Variants in OPCML observed in about 807,000 individuals in gnomAD.
OPCML encodes the protein opioid binding protein/cell adhesion molecule like.
OPCML carries 13 observed loss-of-function variants against 37.8 expected under a neutral mutation model. The ratio of observed to expected loss-of-function variants is 0.34; its 90% CI spans 0.22 to 0.55. The LOEUF (loss-of-function observed/expected upper bound fraction) is 0.55. Ranked by LOEUF, OPCML falls within the 20% of genes least tolerant of loss-of-function variation. The probability of loss-of-function intolerance (pLI) is 0.91; values close to 1 mark genes in which losing one functional copy is unlikely to be tolerated. For synonymous variants in OPCML, 176 were observed against 168.8 expected (o/e 1.04, Z -0.33); for missense variants, 341 against 435.6 (o/e 0.78, Z 1.93).
At chr11:132,575,574 T>C (rs893742497) in intron 3 of OPCML, among the ~76,000 whole-genome samples, 1 of 152,022 alleles carries the variant, frequency 6.6e-6, no homozygotes, top group African/African-American at 2.4e-5. Flanking sequence ...TCCATTTGTT[T>C]TTACTCTGTA....
intron 2 of OPCML, among the ~76,000 whole-genome samples, chr11:132,913,769 C>T (rs903102952): frequency 6.6e-6 from 1 of 152,190 alleles, no homozygotes; most frequent in African/African-American, 2.4e-5. Flanking sequence ...GGGCACATAC[C>T]CTCATTCTTT....
intron 2 of OPCML, among the ~76,000 whole-genome samples, chr11:132,694,033 G>T (rs1943507144): frequency 6.6e-6 from 1 of 151,992 alleles, no homozygotes; most frequent in Non-Finnish European, 1.5e-5. Context: ...CTCTCTGCAG[G>T]ATGACTGAGA....
chr11:132,587,441 C>G (rs182276409), intron 3 of OPCML, among the ~76,000 whole-genome samples: 58 of 152,302 alleles, frequency 3.8e-4, no homozygotes, highest in Non-Finnish European at 4.4e-4. Flanking sequence ...AAGCCATAGT[C>G]AGAGGACACA....
intron 1 of OPCML, among the ~76,000 whole-genome samples, chr11:133,249,116 C>T (rs919628167): frequency 6.6e-6 from 1 of 152,120 alleles, no homozygotes; most frequent in Admixed American, 6.5e-5. Flanking sequence ...TTTTGTGTTG[C>T]TATAAAGGAA....
At chr11:132,686,997 C>T (rs1943187464) in intron 2 of OPCML, among the ~76,000 whole-genome samples, 1 of 145,790 alleles carries the variant, frequency 6.9e-6, no homozygotes, top group African/African-American at 2.6e-5. Context: ...TACTCAGCTG[C>T]CCCCTGAGAT....
chr11:133,313,567 G>C (rs1270016776), intron 1 of OPCML, among the ~76,000 whole-genome samples: 1 of 152,174 alleles, frequency 6.6e-6, no homozygotes, highest in Non-Finnish European at 1.5e-5. Context: ...AGAGCATCCT[G>C]GAACATTTCC....
chr11:133,351,485 T>A (rs1944135102), intron 1 of OPCML, among the ~76,000 whole-genome samples: 1 of 152,124 alleles, frequency 6.6e-6, no homozygotes, highest in African/African-American at 2.4e-5. Flanking sequence ...CCAAACTGCA[T>A]TTACTTGCTT....
intron 1 of OPCML, among the ~76,000 whole-genome samples, chr11:133,142,624 T>C (rs1025061826): frequency 6.6e-6 from 1 of 152,198 alleles, no homozygotes; most frequent in Non-Finnish European, 1.5e-5. Flanking sequence ...TGGCAGTACA[T>C]AGCACACAGT....
chr11:133,273,528 T>C (rs1375594847), intron 1 of OPCML, among the ~76,000 whole-genome samples: 1 of 152,214 alleles, frequency 6.6e-6, no homozygotes, highest in African/African-American at 2.4e-5. Flanking sequence ...TTATGTTCTT[T>C]CTCTCGCAGA....
intron 1 of OPCML, among the ~76,000 whole-genome samples, chr11:132,994,267 G>T (rs1404619821): frequency 6.6e-6 from 1 of 152,182 alleles, no homozygotes; most frequent in Admixed American, 6.5e-5. Context: ...GGGCTTTTAC[G>T]GCCGGAACTC....
At chr11:133,124,511 G>A (rs185472185) in intron 1 of OPCML, among the ~76,000 whole-genome samples, 134 of 152,202 alleles carry the variant, frequency 8.8e-4, no homozygotes, top group African/African-American at 3.1e-3. Flanking sequence ...ACTTCACAAG[G>A]GTCCCTCAAC....
rs141018783 is a variant in OPCML at position 132,900,853 on chromosome 11, C to T, written c.146+42073G>A. ...GTTCTAGGTGGCTCTCCATTCAATC[C>T]ACTAGCGCCCTTGCCATCTCACTTC... On this transcript the variant is annotated intron_variant, in intron 2 of 7. Coordinates refer to ENST00000524381, the MANE Select transcript of OPCML (RefSeq NM_001012393.5). Among the ~76,000 whole-genome samples the T allele has an allele frequency of 1.5e-3, 223 of 152,288 alleles. 1 individual carries two copies. The highest frequency in any genetic ancestry group is 5.1e-3 in the African/African-American group (211 of 41,578).
At chr11:133,007,183 G>T in intron 1 of OPCML, 1 of 985,408 alleles carries the variant, frequency 1.0e-6, no homozygotes. Flanking sequence ...TGGGGACTCT[G>T]TCTCACATAG....
chr11:133,521,838 G>C (rs534629008), intron 1 of OPCML, among the ~76,000 whole-genome samples: 2 of 152,170 alleles, frequency 1.3e-5, no homozygotes, highest in African/African-American at 2.4e-5. Context: ...TAGCTTATTC[G>C]GAGAAGCCAA....
At chr11:133,129,206 G>GA (rs1161376865) in intron 1 of OPCML, among the ~76,000 whole-genome samples, 2 of 151,422 alleles carry the variant, frequency 1.3e-5, no homozygotes, top group African/African-American at 4.9e-5. Context: ...GCTACACAGA[G>GA]AGAGAGCTTC....
intron 1 of OPCML, among the ~76,000 whole-genome samples, chr11:132,961,341 C>A (rs1946089139): frequency 6.6e-6 from 1 of 152,086 alleles, no homozygotes; most frequent in African/African-American, 2.4e-5. Flanking sequence ...GGATAAGCAG[C>A]ACAAAGATAT....
intron 1 of OPCML, chr11:133,298,676 C>T (rs186394562): frequency 6.6e-6 from 1 of 152,270 alleles, no homozygotes; most frequent in African/African-American, 2.4e-5. Flanking sequence ...AATCTCTTGA[C>T]ATGGACAAAT....
At chr11:133,327,556 T>C (rs566561218) in intron 1 of OPCML, among the ~76,000 whole-genome samples, 31 of 152,228 alleles carry the variant, frequency 2.0e-4, no homozygotes, top group African/African-American at 6.5e-4. Flanking sequence ...CTGCCCCTCC[T>C]TAAGGCTATC....
At chr11:133,354,830 T>C (rs1003430913) in intron 1 of OPCML, among the ~76,000 whole-genome samples, 7 of 152,208 alleles carry the variant, frequency 4.6e-5, no homozygotes, top group African/African-American at 1.2e-4. Context: ...GCTTTTCAAA[T>C]GCCTTAGCAA....
Sources: gnomAD v4.1 joint callset for allele counts (sites outside exome capture counted in the v4.1 genomes callset) on GRCh38, gnomAD v4.1.1 for gene constraint, MANE v1.5 for transcripts, NCBI Gene and HGNC (gene_info 2026-07-23, HGNC 2026-07-21) for gene names.